Variants in POU6F2 observed in about 807,000 individuals in gnomAD.
The protein encoded by POU6F2 is POU class 6 homeobox 2.
A neutral mutation model predicts 71.3 loss-of-function variants in POU6F2; 31 were observed. That is an observed-to-expected ratio of 0.43 (90% CI 0.33 to 0.59). The LOEUF (loss-of-function observed/expected upper bound fraction) is 0.59, where lower values mean the gene tolerates loss of function less well. Among genes scored for constraint, POU6F2 ranks in the 20% least tolerant of loss-of-function variants. The pLI is 0.04. For synonymous variants in POU6F2, 347 were observed against 355.7 expected (o/e 0.98, Z 0.27); for missense variants, 783 against 856.8 (o/e 0.91, Z 1.07).
intron 4 of POU6F2, among the ~76,000 whole-genome samples, chr7:39,248,870 G>A (rs1333487753): frequency 2.0e-5 from 3 of 152,194 alleles, no homozygotes; most frequent in Non-Finnish European, 2.9e-5. Context: ...ATCTTGCTCA[G>A]TGGTTTTCAG....
intron 2 of POU6F2, among the ~76,000 whole-genome samples, chr7:39,130,361 T>C (rs1792243252): frequency 6.6e-6 from 1 of 152,152 alleles, no homozygotes; most frequent in Admixed American, 6.5e-5. Context: ...GGATTTCAAC[T>C]CTTTAAATAC....
intron 4 of POU6F2, among the ~76,000 whole-genome samples, chr7:39,236,568 C>T (rs1794680600): frequency 6.6e-6 from 1 of 152,138 alleles, no homozygotes; most frequent in Non-Finnish European, 1.5e-5. Context: ...TGTAAGTTTC[C>T]AGTGCATACA....
At chr7:39,303,536 T>C (rs1784993117) in intron 4 of POU6F2, among the ~76,000 whole-genome samples, 1 of 152,244 alleles carries the variant, frequency 6.6e-6, no homozygotes, top group Admixed American at 6.5e-5. Context: ...TATTGTCCTC[T>C]ATTTTTCACA....
chr7:39,412,386 T>C (rs555773890), intron 6 of POU6F2, among the ~76,000 whole-genome samples: 1 of 152,294 alleles, frequency 6.6e-6, no homozygotes, highest in East Asian at 1.9e-4. Context: ...GAAAATAAAG[T>C]TGTAGTAAAT....
chr7:38,991,884 T>C (rs1788612708), intron 1 of POU6F2, among the ~76,000 whole-genome samples: 2 of 152,082 alleles, frequency 1.3e-5, no homozygotes, highest in Admixed American at 1.3e-4. Context: ...TCTATCTTTA[T>C]CTGTCTTTAA....
At chr7:39,076,247 TTCCC>T (rs1458186051) in intron 1 of POU6F2, among the ~76,000 whole-genome samples, 3 of 151,294 alleles carry the variant, frequency 2.0e-5, no homozygotes, top group Non-Finnish European at 4.4e-5. Flanking sequence ...CTCCCTTCCA[TTCCC>T]TCCCTTCCTT....
intron 4 of POU6F2, among the ~76,000 whole-genome samples, chr7:39,329,815 G>T (rs1785600695): frequency 6.6e-6 from 1 of 151,986 alleles, no homozygotes; most frequent in Non-Finnish European, 1.5e-5. Context: ...CTTAGGTCAG[G>T]GTCTGCATCT....
chr7:39,282,780 T>C (rs1425418332), intron 4 of POU6F2, among the ~76,000 whole-genome samples: 1 of 152,134 alleles, frequency 6.6e-6, no homozygotes, highest in African/African-American at 2.4e-5. Flanking sequence ...TTTGTGGTTC[T>C]ATATGAATTT....
chr7:39,256,579 A>G (rs1784028444), intron 4 of POU6F2, among the ~76,000 whole-genome samples: 1 of 152,228 alleles, frequency 6.6e-6, no homozygotes, highest in African/African-American at 2.4e-5. Context: ...TTGTGAATGG[A>G]AATAAATCTG....
At chr7:39,216,058 T>G (rs1426571513) in intron 4 of POU6F2, among the ~76,000 whole-genome samples, 1 of 152,288 alleles carries the variant, frequency 6.6e-6, no homozygotes, top group East Asian at 1.9e-4. Context: ...CAAGAGCTGC[T>G]CACATCACTT....
intron 1 of POU6F2, among the ~76,000 whole-genome samples, chr7:39,012,639 T>C (rs1205103671): frequency 6.6e-6 from 1 of 151,776 alleles, no homozygotes; most frequent in Non-Finnish European, 1.5e-5. Context: ...TCTGTTTTTT[T>C]CCCCATCTTT....
In POU6F2 at chr7:39,460,390, G is replaced by A. The variant is rs1282692451; in HGVS notation, c.1490-157G>A. On this transcript the variant is annotated intron_variant, in intron 8 of 9. Coordinates refer to ENST00000518318, the MANE Select transcript of POU6F2 (RefSeq NM_001370959.1). This position sits in a 1 kb window ranked among gnomAD's most constrained non-coding sequence, Gnocchi z 4.4. Reference sequence around the variant, plus strand: ...TGTAATGAGTTGCGGATGGAGTGTTGGGTGTCTCACCTGGGAGACAAAGCG... The same window carrying A: ...TGTAATGAGTTGCGGATGGAGTGTTAGGTGTCTCACCTGGGAGACAAAGCG... 6.6e-6 allele frequency among the ~76,000 whole-genome samples: 1 copy of A among 152,200 alleles called. No individual in the cohort carries two copies. The highest frequency in any genetic ancestry group is 2.4e-5 in the African/African-American group (1 of 41,460).
chr7:39,118,531 G>A (rs1008693684), intron 2 of POU6F2, among the ~76,000 whole-genome samples: 1 of 151,940 alleles, frequency 6.6e-6, no homozygotes, highest in Admixed American at 6.6e-5. Context: ...TATGATGACT[G>A]AAATTAAAAA....
At chr7:39,400,334 C>T (rs1279310251) in intron 5 of POU6F2, among the ~76,000 whole-genome samples, 1 of 152,186 alleles carries the variant, frequency 6.6e-6, no homozygotes, top group East Asian at 1.9e-4. Flanking sequence ...CTTATTATGT[C>T]ACAAAATGAT....
At chr7:39,142,873 C>T (rs1792533379) in intron 2 of POU6F2, among the ~76,000 whole-genome samples, 1 of 152,206 alleles carries the variant, frequency 6.6e-6, no homozygotes, top group African/African-American at 2.4e-5. Flanking sequence ...CATTAAAAAA[C>T]ATGTAAATGT....
At chr7:39,426,159 T>C (rs1346197843) in intron 6 of POU6F2, among the ~76,000 whole-genome samples, 1 of 152,160 alleles carries the variant, frequency 6.6e-6, no homozygotes, top group Non-Finnish European at 1.5e-5. Flanking sequence ...AGTGATGCTC[T>C]CGACCAGTCA....
intron 1 of POU6F2, among the ~76,000 whole-genome samples, chr7:39,043,765 G>A (rs1163747718): frequency 6.6e-6 from 1 of 151,910 alleles, no homozygotes; most frequent in Admixed American, 6.6e-5. Context: ...GATGTTACCT[G>A]GCATGGACTT....
chr7:39,242,759 G>A (rs1256152376), intron 4 of POU6F2, among the ~76,000 whole-genome samples: 2 of 152,106 alleles, frequency 1.3e-5, no homozygotes, highest in Admixed American at 6.6e-5. Flanking sequence ...CCAGTATACT[G>A]AAAATAATAA....
intron 4 of POU6F2, among the ~76,000 whole-genome samples, chr7:39,261,026 T>C (rs772818267): frequency 1.1e-4 from 16 of 149,346 alleles, no homozygotes; most frequent in Non-Finnish European, 2.2e-4. Flanking sequence ...ACATACACAC[T>C]ACACACATAC....
Sources: allele counts gnomAD v4.1 joint callset (sites outside exome capture counted in the v4.1 genomes callset), GRCh38; gene constraint gnomAD v4.1.1; non-coding constraint Gnocchi (gnomAD v3.1); transcripts MANE v1.5; gene names NCBI Gene and HGNC (gene_info 2026-07-23, HGNC 2026-07-21).